PROM1: variants seen among roughly 807,000 people sequenced by gnomAD.
PROM1 encodes prominin 1.
PROM1 carries 105 observed loss-of-function variants against 116.9 expected under a neutral mutation model. That is an observed-to-expected ratio of 0.90 (90% confidence interval 0.77 to 1.06). The LOEUF (loss-of-function observed/expected upper bound fraction) is 1.06, where lower values mean the gene tolerates loss of function less well. Among genes scored for constraint, PROM1 ranks in the 50% least tolerant of loss-of-function variants. PROM1 has a pLI of 0.00. For missense variants in PROM1, 1,122 were observed against 1,045.2 expected (o/e 1.07, Z -1.01); for synonymous variants, 393 against 387.0 (o/e 1.02, Z -0.18).
intron 23 of PROM1, among the ~76,000 whole-genome samples, chr4:15,980,972 T>TATTTATTTATTTATTA (rs1442894544): frequency 5.3e-5 from 8 of 151,292 alleles, no homozygotes; most frequent in Non-Finnish European, 1.2e-4. Flanking sequence ...TTTATTTATT[T>TATTTATTTATTTATTA]ATTATTTTAG....
intron 2 of PROM1, among the ~76,000 whole-genome samples, chr4:16,048,834 G>A (rs770087885): frequency 3.9e-5 from 6 of 152,222 alleles, no homozygotes; most frequent in Non-Finnish European, 7.3e-5. Flanking sequence ...ACAGCCACGT[G>A]TGGACTGTGA....
chr4:16,070,832 C>T (rs1742640030), intron 2 of PROM1, among the ~76,000 whole-genome samples: 1 of 152,136 alleles, frequency 6.6e-6, no homozygotes, highest in South Asian at 2.1e-4. Flanking sequence ...TCTTACGAGG[C>T]AATGCCATGT....
chr4:15,988,765 T>C (rs1196412060), intron 19 of PROM1, among the ~76,000 whole-genome samples: 1 of 150,546 alleles, frequency 6.6e-6, no homozygotes, highest in African/African-American at 2.4e-5. Flanking sequence ...ATAAACCAGT[T>C]ACAGAAAATT....
intron 2 of PROM1, among the ~76,000 whole-genome samples, chr4:16,068,062 G>A (rs1433419944): frequency 6.6e-6 from 1 of 152,184 alleles, no homozygotes; most frequent in Non-Finnish European, 1.5e-5. Context: ...GAGGGTAGGG[G>A]AGGAGGCAGA....
At chr4:16,032,146 T>G (rs1372023035) in intron 5 of PROM1, among the ~76,000 whole-genome samples, 1 of 124,428 alleles carries the variant, frequency 8.0e-6, no homozygotes, top group Non-Finnish European at 1.7e-5. Context: ...GTCTCCTTCC[T>G]GATCTTTTTT....
At chr4:16,018,601 G>C in intron 8 of PROM1, 61 bp from the exon 9 acceptor site, 1 of 1,446,922 alleles carries the variant, frequency 6.9e-7, no homozygotes, top group South Asian at 1.2e-5. Context: ...CTACAAAAGT[G>C]TGTCTAAAGG....
At chr4:16,009,339 A>G (rs1218366867) in intron 11 of PROM1, among the ~76,000 whole-genome samples, 4 of 152,232 alleles carry the variant, frequency 2.6e-5, no homozygotes, top group African/African-American at 9.6e-5. Flanking sequence ...ATGGTACTGA[A>G]GTCAAGCCAG....
chr4:16,064,133 A>G (rs1476157405), intron 2 of PROM1, among the ~76,000 whole-genome samples: 3 of 152,240 alleles, frequency 2.0e-5, no homozygotes, highest in Non-Finnish European at 4.4e-5. Flanking sequence ...TATGCCCGGC[A>G]GAAATGTGTA....
intron 2 of PROM1, among the ~76,000 whole-genome samples, chr4:16,045,290 C>T (rs754446892): frequency 6.6e-6 from 1 of 152,114 alleles, no homozygotes; most frequent in Non-Finnish European, 1.5e-5. Flanking sequence ...CTGAAACCTC[C>T]CAAAAGACCC....
intron 13 of PROM1, among the ~76,000 whole-genome samples, chr4:16,001,753 G>A (rs992502117): frequency 1.3e-5 from 2 of 152,152 alleles, no homozygotes; most frequent in Admixed American, 6.5e-5. Context: ...GGCAGCAAGC[G>A]CAGATCACTC....
At chr4:16,073,838 G>T (rs1743358012) in intron 2 of PROM1, among the ~76,000 whole-genome samples, 1 of 151,974 alleles carries the variant, frequency 6.6e-6, no homozygotes, top group Non-Finnish European at 1.5e-5. Context: ...CTTCGAACTT[G>T]ATCACCAGAA....
intron 2 of PROM1, among the ~76,000 whole-genome samples, chr4:16,048,135 A>C (rs1050750749): frequency 7.2e-5 from 11 of 152,172 alleles, no homozygotes; most frequent in Non-Finnish European, 1.6e-4. Context: ...CATTATTTAT[A>C]ATGAAGTGAA....
chr4:16,036,443 T>C lies in PROM1; in HGVS notation c.277-682A>G, dbSNP rs190018850. Among the ~76,000 whole-genome samples the C allele has an allele frequency of 4.6e-3, 700 of 152,226 alleles. 3 individuals carry two copies. Among genetic ancestry groups the C allele is most frequent in the African/African-American group, 0.016 (662 of 41,536 alleles). Reference sequence around the variant, plus strand: ...AATGAGGCATCCAAAATACTGGGACTGGGGGGCAGTTCAGATATACCTGCC... The same window carrying C: ...AATGAGGCATCCAAAATACTGGGACCGGGGGGCAGTTCAGATATACCTGCC... On this transcript the variant is annotated intron_variant, in intron 3 of 27. Transcript: ENST00000447510.
intron 5 of PROM1, among the ~76,000 whole-genome samples, chr4:16,032,449 T>C (rs923457736): frequency 4.6e-5 from 7 of 152,198 alleles, no homozygotes; most frequent in Non-Finnish European, 8.8e-5. Context: ...GAAAAAAATC[T>C]TACGGCTACT....
At position 16,011,030 on chromosome 4, in the gene PROM1, A is replaced by T. The variant is rs147164586; in HGVS notation, c.1142-1922T>A. Among the ~76,000 whole-genome samples the T allele has an allele frequency of 1.5e-3, 230 of 152,174 alleles. 1 individual carries two copies. Among genetic ancestry groups the T allele is most frequent in the Non-Finnish European group, 2.0e-3 (137 of 68,018 alleles). ...TTGGTTACTTCTGAGATTTTCAGAG[A>T]TGGGGAATGCAGCCTTCCCATGTTC... On this transcript the variant is annotated intron_variant, in intron 11 of 27. Transcript: ENST00000447510.
chr4:16,051,723 T>C (rs775151871), intron 2 of PROM1, among the ~76,000 whole-genome samples: 15 of 152,204 alleles, frequency 9.9e-5, no homozygotes, highest in Non-Finnish European at 2.1e-4. Context: ...AGACTGTCTT[T>C]GGACACGGAA....
At chr4:16,025,412 A>G in intron 5 of PROM1, 100 bp from the exon 6 acceptor site, 7 of 1,452,030 alleles carry the variant, frequency 4.8e-6, no homozygotes, top group Non-Finnish European at 5.6e-6. Context: ...AGGAGCCCGC[A>G]GAAGGACTGG....
At chr4:16,032,217 G>C (rs1238317464) in intron 5 of PROM1, among the ~76,000 whole-genome samples, 1 of 150,404 alleles carries the variant, frequency 6.6e-6, no homozygotes, top group African/African-American at 2.5e-5. Context: ...CACTTCATCT[G>C]TCATGGTGAC....
chr4:16,066,501 T>A (rs1255291396), intron 2 of PROM1, among the ~76,000 whole-genome samples: 1 of 152,132 alleles, frequency 6.6e-6, no homozygotes, highest in Non-Finnish European at 1.5e-5. Context: ...GACGTCAGAG[T>A]TGGGATTCAA....
Sources: allele counts gnomAD v4.1 joint callset (sites outside exome capture counted in the v4.1 genomes callset), GRCh38; gene constraint gnomAD v4.1.1; transcripts MANE v1.5; gene names NCBI Gene and HGNC (gene_info 2026-07-23, HGNC 2026-07-21).